Variants in LRRC69 observed in about 807,000 individuals in gnomAD.
LRRC69 encodes leucine rich repeat containing 69.
A neutral mutation model predicts 37.8 loss-of-function variants in LRRC69; 42 were observed. The ratio of observed to expected loss-of-function variants is 1.11; its 90% CI spans 0.87 to 1.44. The LOEUF is 1.44. Among genes scored for constraint, LRRC69 ranks in the 40% most tolerant of loss-of-function variants. LRRC69 has a pLI of 0.00. For missense variants in LRRC69, 357 were observed against 401.9 expected, an observed-to-expected ratio of 0.89 and a Z score of 0.96; for synonymous variants, 141 against 143.1, an observed-to-expected ratio of 0.99 and a Z score of 0.11.
At chr8:91,165,571 G>A (rs967337354) in intron 5 of LRRC69, among the ~76,000 whole-genome samples, 1 of 151,738 alleles carries the variant, frequency 6.6e-6, no homozygotes, top group Non-Finnish European at 1.5e-5. Flanking sequence ...AGATTTCTCA[G>A]GTGGTTTGGT....
chr8:91,107,138 A>C (rs925235738), intron 1 of LRRC69, among the ~76,000 whole-genome samples: 1 of 145,130 alleles, frequency 6.9e-6, no homozygotes, highest in Admixed American at 6.9e-5. Flanking sequence ...TATTATTGTT[A>C]TTATTATTAT....
chr8:91,208,026 G>A (rs557255464), intron 7 of LRRC69, among the ~76,000 whole-genome samples: 1 of 152,180 alleles, frequency 6.6e-6, no homozygotes, highest in African/African-American at 2.4e-5. Context: ...GTCTTCCTTT[G>A]GTACATGTCT....
chr8:91,116,662 G>T (rs188411916), intron 1 of LRRC69, among the ~76,000 whole-genome samples: 1 of 151,902 alleles, frequency 6.6e-6, no homozygotes, highest in Non-Finnish European at 1.5e-5. Context: ...AATATAGGCC[G>T]TAGAATGAAC....
At chr8:91,125,218 G>A (rs11778758) in intron 2 of LRRC69, among the ~76,000 whole-genome samples, 70,161 of 151,532 alleles carry the variant, frequency 0.46, 17,913 homozygotes, top group South Asian at 0.65. Context: ...ATCAACTAAT[G>A]TAAGGTACTT....
intron 1 of LRRC69, among the ~76,000 whole-genome samples, chr8:91,120,037 G>T (rs1016404518): frequency 6.6e-6 from 1 of 151,764 alleles, no homozygotes; most frequent in Non-Finnish European, 1.5e-5. Flanking sequence ...CTTGGGGGTG[G>T]GGGGGAACTC....
At chr8:91,218,519 A>G (rs1810098310) in intron 7 of LRRC69, among the ~76,000 whole-genome samples, 1 of 152,184 alleles carries the variant, frequency 6.6e-6, no homozygotes, top group Non-Finnish European at 1.5e-5. Flanking sequence ...ATACCCATTA[A>G]GAAGTTCAGT....
At chr8:91,185,682 A>C (rs1287627612) in intron 5 of LRRC69, among the ~76,000 whole-genome samples, 1 of 152,228 alleles carries the variant, frequency 6.6e-6, no homozygotes, top group Non-Finnish European at 1.5e-5. Flanking sequence ...CATTGGTCAC[A>C]AATAGTATTA....
chr8:91,149,949 T>C (rs1488456146), intron 5 of LRRC69, among the ~76,000 whole-genome samples: 2 of 152,076 alleles, frequency 1.3e-5, no homozygotes, highest in Non-Finnish European at 2.9e-5. Context: ...CCTGAGACTT[T>C]GCTGAAGTTG....
chr8:91,211,310 G>A (rs989297700), intron 7 of LRRC69, among the ~76,000 whole-genome samples: 2 of 151,480 alleles, frequency 1.3e-5, no homozygotes, highest in African/African-American at 4.8e-5. Context: ...ATATCACAAT[G>A]GAATTAGAAT....
At chr8:91,140,544 G>A (rs1808514136) in intron 5 of LRRC69, among the ~76,000 whole-genome samples, 1 of 149,740 alleles carries the variant, frequency 6.7e-6, no homozygotes, top group Non-Finnish European at 1.5e-5. Flanking sequence ...AAAATTCAAT[G>A]TATACTGCAT....
chr8:91,106,759 C>A lies in LRRC69; in HGVS notation c.183+3915C>A, dbSNP rs527605024. On this transcript the variant is annotated intron_variant, in intron 1 of 7. Transcript: ENST00000448384. ...TGCCTAAAGACGGCTGCTCTGAACA[C>A]TACATGCATTGTCCTCTCCTCCCAT... 2.1e-4 allele frequency among the ~76,000 whole-genome samples: 32 copies of A among 151,980 alleles called. 1 individual carries two copies. In the South Asian group the frequency reaches 6.4e-3, roughly 31 times the overall value.
intron 5 of LRRC69, among the ~76,000 whole-genome samples, chr8:91,166,361 T>G (rs541738480): frequency 4.0e-5 from 6 of 151,638 alleles, no homozygotes; most frequent in Admixed American, 1.3e-4. Flanking sequence ...CAAATTGTGC[T>G]AGAAGGTGGT....
At chr8:91,219,190 G>A, downstream of LRRC69, 1 of 381,726 alleles carries the variant, frequency 2.6e-6, no homozygotes, top group Non-Finnish European at 4.7e-6. Flanking sequence ...TTAGATTCTA[G>A]GTGTGCTTTT....
intron 2 of LRRC69, among the ~76,000 whole-genome samples, chr8:91,125,544 G>C (rs1813701173): frequency 6.6e-6 from 1 of 151,766 alleles, no homozygotes; most frequent in African/African-American, 2.4e-5. Context: ...CAAAGCCACA[G>C]ACCAGAGTTC....
intron 5 of LRRC69, among the ~76,000 whole-genome samples, chr8:91,147,850 A>G (rs541644516): frequency 6.6e-6 from 1 of 151,180 alleles, no homozygotes; most frequent in Admixed American, 6.6e-5. Flanking sequence ...ATTTGTTCTG[A>G]TTTTCTCCCC....
intron 5 of LRRC69, among the ~76,000 whole-genome samples, chr8:91,155,752 CTG>C (rs1191518360): frequency 1.3e-5 from 2 of 150,582 alleles, no homozygotes; most frequent in African/African-American, 4.9e-5. Context: ...CTTTCTGTGC[CTG>C]ACTTATTTTA....
At chr8:91,153,509 A>G (rs1176101469) in intron 5 of LRRC69, among the ~76,000 whole-genome samples, 1 of 151,186 alleles carries the variant, frequency 6.6e-6, no homozygotes, top group African/African-American at 2.4e-5. Flanking sequence ...ATAATAACAA[A>G]CAGTCTCTCA....
intron 5 of LRRC69, among the ~76,000 whole-genome samples, chr8:91,137,828 AAATGACCGACTCTAGGTCACAC>A (rs1406428186): frequency 2.0e-5 from 3 of 152,030 alleles, no homozygotes; most frequent in Non-Finnish European, 2.9e-5. Flanking sequence ...CCTAGAGGAG[AAATGACCGACTCTAGGTCACAC>A]AATGATTATC....
chr8:91,187,766 T>G (rs1179671979), intron 5 of LRRC69, among the ~76,000 whole-genome samples: 2 of 152,208 alleles, frequency 1.3e-5, no homozygotes, highest in Non-Finnish European at 2.9e-5. Context: ...AACCATCCAG[T>G]GTCTTCAGAC....
Sources: gnomAD v4.1 joint callset for allele counts (sites outside exome capture counted in the v4.1 genomes callset) on GRCh38, gnomAD v4.1.1 for gene constraint, MANE v1.5 for transcripts, NCBI Gene and HGNC (gene_info 2026-07-23, HGNC 2026-07-21) for gene names.